The following ACSS3 variants were observed in gnomAD, a reference collection of about 807,000 sequenced individuals.
The protein encoded by ACSS3 is acyl-CoA synthetase short chain family member 3.
A neutral mutation model predicts 84.2 loss-of-function variants in ACSS3; 64 were observed. The observed-to-expected ratio is 0.76, with a 90% CI of 0.62 to 0.94. ACSS3 has a LOEUF of 0.94. Ranked by LOEUF, ACSS3 falls within the 40% of genes least tolerant of loss-of-function variation. ACSS3 has a pLI of 0.00. For missense variants in ACSS3, 815 were observed against 867.6 expected (o/e 0.94, Z 0.76); for synonymous variants, 317 against 310.1 (o/e 1.02, Z -0.23).
intron 1 of ACSS3, among the ~76,000 whole-genome samples, chr12:81,088,882 T>C (rs537539433): frequency 6.6e-6 from 1 of 152,100 alleles, no homozygotes; most frequent in East Asian, 1.9e-4. Context: ...TCAAAAACAT[T>C]CTAGATATGG....
Position 81,249,171 on chromosome 12 carries a change from T to C in ACSS3, c.1720-4136T>C, listed in dbSNP as rs527484003. ...AACTTTGATGGAGGTTAAGGAGTTC[T>C]TAGAAAAATTGTGTCTAAAATCTGC... On this transcript the variant is annotated intron_variant, in intron 13 of 15. Coordinates refer to ENST00000548058, the MANE Select transcript of ACSS3 (RefSeq NM_024560.4). 2.9e-4 allele frequency among the ~76,000 whole-genome samples: 44 copies of C among 152,216 alleles called. 1 individual carries two copies. The highest frequency in any genetic ancestry group is 1.9e-3 in the East Asian group (10 of 5,182).
chr12:81,081,510 A>G (rs1880975279), intron 1 of ACSS3, among the ~76,000 whole-genome samples: 1 of 152,178 alleles, frequency 6.6e-6, no homozygotes, highest in Admixed American at 6.5e-5. Flanking sequence ...TCAGTCCTGG[A>G]ACAACAAAGT....
intron 7 of ACSS3, among the ~76,000 whole-genome samples, chr12:81,164,357 T>C (rs1222812696): frequency 6.6e-6 from 1 of 152,164 alleles, no homozygotes; most frequent in Non-Finnish European, 1.5e-5. Flanking sequence ...ATACACTCTG[T>C]GAGGTTTTCA....
At chr12:81,212,017 A>G (rs935741807) in intron 9 of ACSS3, among the ~76,000 whole-genome samples, 2 of 152,122 alleles carry the variant, frequency 1.3e-5, no homozygotes, top group African/African-American at 4.8e-5. Flanking sequence ...CTAAATATCT[A>G]TGTGTCACAT....
chr12:81,233,842 C>G (rs182526078), intron 13 of ACSS3, among the ~76,000 whole-genome samples: 1 of 151,506 alleles, frequency 6.6e-6, no homozygotes, highest in East Asian at 1.9e-4. Flanking sequence ...TTATTGTACT[C>G]TTAAATCCTG....
At chr12:81,246,548 C>A (rs745513027) in intron 13 of ACSS3, among the ~76,000 whole-genome samples, 1 of 152,086 alleles carries the variant, frequency 6.6e-6, no homozygotes, top group South Asian at 2.1e-4. Flanking sequence ...GAACTCATCA[C>A]CAAGTTGTAT....
intron 8 of ACSS3, among the ~76,000 whole-genome samples, chr12:81,176,109 C>T (rs540268759): frequency 6.6e-6 from 1 of 152,162 alleles, no homozygotes; most frequent in African/African-American, 2.4e-5. Context: ...ACTAGCTAGA[C>T]TATTTAAAAA....
chr12:81,145,304 C>T (rs1402649120), intron 5 of ACSS3, among the ~76,000 whole-genome samples: 1 of 151,994 alleles, frequency 6.6e-6, no homozygotes, highest in Non-Finnish European at 1.5e-5. Context: ...CATTTTCCTC[C>T]TAATGTACCA....
intron 9 of ACSS3, 88 bp from the exon 10 acceptor site, chr12:81,216,813 C>G: frequency 1.9e-6 from 2 of 1,054,740 alleles, no homozygotes; most frequent in Non-Finnish European, 1.4e-6. Flanking sequence ...GTATGACAAA[C>G]TAGGGTGGGG....
chr12:81,184,478 A>C (rs2031133920), intron 8 of ACSS3, among the ~76,000 whole-genome samples: 2 of 151,828 alleles, frequency 1.3e-5, no homozygotes, highest in Admixed American at 6.6e-5. Flanking sequence ...AAACCATAAA[A>C]ATAATTAATA....
At chr12:81,119,008 G>A (rs542435474) in intron 2 of ACSS3, among the ~76,000 whole-genome samples, 43 of 152,226 alleles carry the variant, frequency 2.8e-4, no homozygotes, top group South Asian at 1.9e-3. Context: ...CCGATATTTC[G>A]TAGGTTCTTT....
intron 5 of ACSS3, 103 bp from the exon 6 acceptor site, chr12:81,151,741 A>T: frequency 1.1e-6 from 1 of 948,340 alleles, no homozygotes; most frequent in Non-Finnish European, 1.6e-6. Context: ...TAGCTAATAT[A>T]TAAAATACTT....
intron 1 of ACSS3, among the ~76,000 whole-genome samples, chr12:81,092,904 AG>A (rs1174619271): frequency 1.5e-4 from 23 of 152,210 alleles, no homozygotes; most frequent in African/African-American, 5.5e-4. Flanking sequence ...AAAGGATAAA[AG>A]TTTTATGTTT....
At chr12:81,111,311 A>T (rs1307307899) in intron 2 of ACSS3, among the ~76,000 whole-genome samples, 1 of 152,046 alleles carries the variant, frequency 6.6e-6, no homozygotes, top group Non-Finnish European at 1.5e-5. Context: ...GTCATGCTGA[A>T]CCCCTATTGA....
intron 1 of ACSS3, chr12:81,094,282 AT>A (rs1300470494): frequency 2.0e-5 from 3 of 152,258 alleles, no homozygotes; most frequent in South Asian, 2.1e-4. Context: ...CTCCAAAAAA[AT>A]AATAAATATT....
chr12:81,199,740 T>C (rs2072493082), intron 9 of ACSS3: 1 of 1,261,470 alleles, frequency 7.9e-7, no homozygotes, highest in Non-Finnish European at 1.0e-6. Context: ...GATTTTCCTT[T>C]GAAGTGTCTG....
intron 10 of ACSS3, among the ~76,000 whole-genome samples, chr12:81,217,241 G>A (rs1247652465): frequency 6.6e-6 from 1 of 151,996 alleles, no homozygotes; most frequent in African/African-American, 2.4e-5. Context: ...TAGGAATATG[G>A]GTGTGAAATT....
chr12:81,245,331 G>T (rs938877762), intron 13 of ACSS3, among the ~76,000 whole-genome samples: 8 of 152,164 alleles, frequency 5.3e-5, no homozygotes, highest in African/African-American at 1.9e-4. Context: ...GCGTGGTGGT[G>T]GGCGACTGTA....
chr12:81,208,971 C>T (rs1429138437), intron 9 of ACSS3, among the ~76,000 whole-genome samples: 1 of 152,070 alleles, frequency 6.6e-6, no homozygotes, highest in Non-Finnish European at 1.5e-5. Flanking sequence ...AATGACTGTC[C>T]TTTGAATATC....
Sources: allele counts gnomAD v4.1 joint callset (sites outside exome capture counted in the v4.1 genomes callset), GRCh38; gene constraint gnomAD v4.1.1; transcripts MANE v1.5; gene names NCBI Gene and HGNC (gene_info 2026-07-23, HGNC 2026-07-21).